KDM6A: variants seen among roughly 807,000 people sequenced by gnomAD.
KDM6A encodes the protein lysine-specific demethylase 6A.
In KDM6A, 11 loss-of-function variants were observed where a neutral mutation model predicts 117.6. The ratio of observed to expected loss-of-function variants is 0.09; its 90% CI spans 0.06 to 0.15. The LOEUF is 0.15. Ranked by LOEUF, KDM6A falls within the 10% of genes least tolerant of loss-of-function variation. The pLI, the probability that KDM6A is intolerant of heterozygous loss-of-function variation, is 1.00. For missense variants in KDM6A, 799 were observed against 1,077.3 expected (o/e 0.74, Z 3.62); for synonymous variants, 384 against 396.1 (o/e 0.97, Z 0.36).
rs1397494939 is a variant in KDM6A, at chrX:44,963,481, G to GTC, written c.334+2090_334+2091insCT. ...TGTGTGTGTGTGTGTGTGTGTGTGT[G>GTC]TGTGTCTGTCTGTCTGTCTCTGTCT... On this transcript the variant is annotated intron_variant, in intron 3 of 29. Transcript: ENST00000611820. Among the ~76,000 whole-genome samples the GTC allele has an allele frequency of 4.1e-3, 153 of 37,341 alleles. 1 individual carries two copies. Among genetic ancestry groups the GTC allele is most frequent in the African/African-American group, 7.5e-3 (120 of 16,083 alleles). 32.4% of individuals were successfully genotyped at this position (37,341 alleles called of 115,157 possible). A position where few individuals can be genotyped will look rare whatever the true frequency, so the allele number is the denominator to read the frequency against.
rs763195592 is a variant in KDM6A, at chrX:45,076,764, C to T, written c.2926C>T (p.Pro976Ser). The T allele has an allele frequency of 8.5e-7, 1 of 1,183,284 alleles. No individual in the cohort carries two copies. The highest frequency in any genetic ancestry group is 2.2e-5 in the Admixed American group (1 of 45,661). Residue 976 changes from proline (P) to serine (S), a missense_variant, in exon 19 of 30, where the codon CCA becomes TCA. Physicochemically the swap from Pro to Ser is moderately conservative, Grantham distance 74. Around this residue, in one of 8 missense-constraint regions of KDM6A, gnomAD observed 291 missense variants for 437.9 expected, o/e 0.66. Coordinates refer to ENST00000611820, the MANE Select transcript of KDM6A (RefSeq NM_001291415.2). ...GGATAAATGTCCACCTCCAAGACCA[C>T]CATCTTCACCATACCCTCCCTTGCC... The part of the protein sequence containing the change: ...LLDKCPPPRP[P>S]SSPYPPLPKD...
At chrX:44,930,337 G>A (rs2036554160) in intron 2 of KDM6A, among the ~76,000 whole-genome samples, 1 of 111,311 alleles carries the variant, frequency 9.0e-6, no homozygotes, top group Admixed American at 9.6e-5. Context: ...TTGTGCTTTT[G>A]TGTTGAAACA....
At chrX:44,881,012 A>G (rs1333402638) in intron 2 of KDM6A, among the ~76,000 whole-genome samples, 2 of 111,694 alleles carry the variant, frequency 1.8e-5, no homozygotes, top group African/African-American at 6.5e-5. Context: ...ATTAGGTCCT[A>G]TTTCTTTGTG....
At chrX:45,065,472 TCTGTG>T (rs2044490103) in intron 17 of KDM6A, among the ~76,000 whole-genome samples, 2 of 112,017 alleles carry the variant, frequency 1.8e-5, no homozygotes, top group African/African-American at 6.5e-5. Flanking sequence ...TCTTTGGTAC[TCTGTG>T]GATAGACTGA....
chrX:45,001,438 G>A (rs2041138162), intron 4 of KDM6A, among the ~76,000 whole-genome samples: 1 of 111,413 alleles, frequency 9.0e-6, no homozygotes, highest in South Asian at 3.8e-4. Context: ...TCTGCATTGG[G>A]GAGCAAGACT....
rs2037540796 is a variant in KDM6A at position 44,944,857 on chromosome X, A to G, written c.226-16427A>G. Among the ~76,000 whole-genome samples the G allele has an allele frequency of 2.7e-5, 3 of 111,537 alleles. No homozygotes were observed. The South Asian group carries it at 1.1e-3, about 41-fold the overall frequency. ...TCAGTTGTGTTTTAAGGAGACTTTCAAAATTGAGAAAAATGTCTTATAATT... is the reference window on the plus strand; with the variant it reads ...TCAGTTGTGTTTTAAGGAGACTTTCGAAATTGAGAAAAATGTCTTATAATT... On this transcript the variant is annotated intron_variant, in intron 2 of 29. Transcript: ENST00000611820.
At chrX:45,046,310 T>TGC (rs2043536226) in intron 8 of KDM6A, among the ~76,000 whole-genome samples, 1 of 112,003 alleles carries the variant, frequency 8.9e-6, no homozygotes, top group Non-Finnish European at 1.9e-5. Flanking sequence ...CGTGATAAAA[T>TGC]GCATATGCTT....
chrX:45,053,648 A>T (rs2043952335), intron 9 of KDM6A, among the ~76,000 whole-genome samples, 181 bp from the exon 10 acceptor site: 2 of 112,164 alleles, frequency 1.8e-5, no homozygotes. Context: ...CCTTACTGTG[A>T]GAAACTGACT....
At chrX:44,948,457 C>A (rs990133167) in intron 2 of KDM6A, among the ~76,000 whole-genome samples, 2 of 111,664 alleles carry the variant, frequency 1.8e-5, no homozygotes, top group Non-Finnish European at 3.8e-5. Flanking sequence ...TCATACCTGG[C>A]CAGTACAACA....
intron 2 of KDM6A, among the ~76,000 whole-genome samples, chrX:44,935,582 T>A (rs1467786134): frequency 2.7e-5 from 3 of 111,499 alleles, no homozygotes; most frequent in Non-Finnish European, 5.6e-5. Context: ...TCTTCCTGTT[T>A]TATAAAGCAC....
intron 7 of KDM6A, among the ~76,000 whole-genome samples, chrX:45,037,081 G>A (rs1034314830): frequency 1.8e-5 from 2 of 112,457 alleles, no homozygotes; most frequent in Non-Finnish European, 3.8e-5. Context: ...TTACTTGATA[G>A]CTATAATAAT....
chrX:45,045,445 G>C (rs186333146), intron 8 of KDM6A, among the ~76,000 whole-genome samples: 1 of 109,405 alleles, frequency 9.1e-6, no homozygotes, highest in South Asian at 4.0e-4. Flanking sequence ...AATCAGCCAG[G>C]CATGGTGGCA....
At chrX:44,986,856 G>A (rs1229392875) in intron 4 of KDM6A, among the ~76,000 whole-genome samples, 1 of 111,961 alleles carries the variant, frequency 8.9e-6, no homozygotes, top group Non-Finnish European at 1.9e-5. Context: ...TGGAAGAAGT[G>A]GGGTGTGGTG....
At chrX:45,093,735 C>T (rs976724776) in intron 27 of KDM6A, among the ~76,000 whole-genome samples, 3 of 111,130 alleles carry the variant, frequency 2.7e-5, no homozygotes, top group Admixed American at 1.9e-4. Context: ...ATTCTTGATA[C>T]CCTTTGAGAC....
rs1187247258 is a variant in KDM6A at position 45,062,213 on chromosome X, G to A, written c.1582-434G>A. Among the ~76,000 whole-genome samples the A allele has an allele frequency of 2.7e-5, 3 of 111,048 alleles. No homozygotes were observed. The East Asian group carries it at 8.4e-4, about 31-fold the overall frequency. ...TGAAGAGCTTCCTTGTTCTTTTATGGTTACATCATATTTCTTTATATAGAT... is the reference window on the plus strand; with the variant it reads ...TGAAGAGCTTCCTTGTTCTTTTATGATTACATCATATTTCTTTATATAGAT... On this transcript the variant is annotated intron_variant, in intron 15 of 29. Coordinates refer to ENST00000611820, the MANE Select transcript of KDM6A (RefSeq NM_001291415.2).
In KDM6A at chrX:44,950,924, A is replaced by G. The variant is rs764762928; in HGVS notation, c.226-10360A>G. On this transcript the variant is annotated intron_variant, in intron 2 of 29. Coordinates refer to ENST00000611820, the MANE Select transcript of KDM6A (RefSeq NM_001291415.2). ...TCAGGCGTTATCAGTACCAGCTCAC[A>G]TTCCTTTCCTTATTTGGAAAGAGGA... 1.0e-4 allele frequency among the ~76,000 whole-genome samples: 11 copies of G among 109,234 alleles called. No individual in the cohort carries two copies. In the East Asian group the frequency reaches 3.2e-3, roughly 31 times the overall value. The allele number at this position is 109,234 out of a possible 115,157, so 94.9% of individuals were successfully genotyped here. A position where few individuals can be genotyped will look rare whatever the true frequency, so the allele number is the denominator to read the frequency against.
At chrX:44,897,138 CTT>C (rs752521695) in intron 2 of KDM6A, among the ~76,000 whole-genome samples, 8 of 72,967 alleles carry the variant, frequency 1.1e-4, no homozygotes, top group African/African-American at 9.8e-5. Flanking sequence ...AGGCTTTGTT[CTT>C]TTTTTTTTTT....
chrX:44,948,160 G>C (rs973005090), intron 2 of KDM6A, among the ~76,000 whole-genome samples: 28 of 112,030 alleles, frequency 2.5e-4, no homozygotes, highest in African/African-American at 8.7e-4. Flanking sequence ...GGCTTACATG[G>C]AAGATTGATA....
At chrX:44,903,192 G>A (rs1028934686) in intron 2 of KDM6A, among the ~76,000 whole-genome samples, 1 of 111,858 alleles carries the variant, frequency 8.9e-6, no homozygotes, top group African/African-American at 3.3e-5. Context: ...TTCAGTTTTT[G>A]TTTATATAGT....
Sources: gnomAD v4.1 joint callset for allele counts (sites outside exome capture counted in the v4.1 genomes callset) on GRCh38, gnomAD v4.1.1 for gene constraint, gnomAD v4.1.1 regional missense constraint, MANE v1.5 for transcripts, NCBI Gene and HGNC (gene_info 2026-07-23, HGNC 2026-07-21) for gene names.